The following PRKCH variants were observed in gnomAD, a reference collection of about 807,000 sequenced individuals.
PRKCH encodes protein kinase C eta.
Under a neutral mutation model 82.5 loss-of-function variants are expected in PRKCH, and 28 were observed. That is an observed-to-expected ratio of 0.34 (90% CI 0.25 to 0.47). The LOEUF (loss-of-function observed/expected upper bound fraction) is 0.47, where lower values mean the gene tolerates loss of function less well. Among genes scored for constraint, PRKCH ranks in the 20% least tolerant of loss-of-function variants. The pLI is 1.00. For missense variants in PRKCH, 705 were observed against 881.8 expected (o/e 0.80, Z 2.54); for synonymous variants, 322 against 327.4 (o/e 0.98, Z 0.18).
chr14:61,239,386 C>A (rs931412894), intron 1 of PRKCH, among the ~76,000 whole-genome samples: 5 of 152,148 alleles, frequency 3.3e-5, no homozygotes, highest in Non-Finnish European at 7.3e-5. Context: ...TGCAGGTGGG[C>A]TGAGGCCTAA....
intron 1 of PRKCH, among the ~76,000 whole-genome samples, chr14:61,334,654 CG>C (rs1252101107): frequency 6.6e-6 from 1 of 152,112 alleles, no homozygotes; most frequent in African/African-American, 2.4e-5. Flanking sequence ...TCAGAAAGCT[CG>C]GGGCATTGTC....
At chr14:61,402,834 CTGTCT>C (rs1881715255) in intron 2 of PRKCH, among the ~76,000 whole-genome samples, 1 of 144,214 alleles carries the variant, frequency 6.9e-6, no homozygotes, top group Non-Finnish European at 1.5e-5. Context: ...AAGAATCTAG[CTGTCT>C]TTTTTTTTAA....
intron 1 of PRKCH, among the ~76,000 whole-genome samples, chr14:61,236,514 C>A (rs938791249): frequency 6.6e-6 from 1 of 151,892 alleles, no homozygotes; most frequent in African/African-American, 2.4e-5. Context: ...TCAAGACCAG[C>A]CTGGCCAAGA....
At chr14:61,278,205 G>A (rs776622025) in intron 1 of PRKCH, 4 of 152,036 alleles carry the variant, frequency 2.6e-5, no homozygotes, top group Non-Finnish European at 5.9e-5. Flanking sequence ...GAGGAGGGGT[G>A]GGCTAGTGAG....
At chr14:61,263,607 A>C (rs1208086666) in intron 1 of PRKCH, among the ~76,000 whole-genome samples, 1 of 152,198 alleles carries the variant, frequency 6.6e-6, no homozygotes, top group Non-Finnish European at 1.5e-5. Context: ...ATCTATAGCC[A>C]TATCTCTATC....
In PRKCH at chr14:61,329,234, C is replaced by CTTTTTTTTTTTTT. The variant is rs71117812; in HGVS notation, c.363+6778_363+6790dup. Among the ~76,000 whole-genome samples, 98 of 63,470 alleles carry CTTTTTTTTTTTTT rather than the reference C, an allele frequency of 1.5e-3. 19 individuals are homozygous for CTTTTTTTTTTTTT. Among genetic ancestry groups the CTTTTTTTTTTTTT allele is most frequent in the African/African-American group, 4.9e-3 (72 of 14,776 alleles). The allele number at this position is 63,470 out of a possible 152,430, so 41.6% of individuals were successfully genotyped here. ...ACTGCTCTTAGATAAACTCCTGAGT[C>CTTTTTTTTTTTTT]TTTTTTTTTTTTTTTTTTTTGAGAC... On this transcript the variant is annotated intron_variant, in intron 1 of 13. Coordinates refer to ENST00000332981, the MANE Select transcript of PRKCH (RefSeq NM_006255.5).
At chr14:61,429,918 C>T (rs780212759) in intron 2 of PRKCH, among the ~76,000 whole-genome samples, 128 of 152,294 alleles carry the variant, frequency 8.4e-4, no homozygotes, top group Non-Finnish European at 2.6e-4. Flanking sequence ...CTCTCTACCC[C>T]GCTGTCTTCC....
At chr14:61,494,969 A>G (rs11847960) in intron 10 of PRKCH, among the ~76,000 whole-genome samples, 5,216 of 152,324 alleles carry the variant, frequency 0.034, 278 homozygotes, top group African/African-American at 0.12. Context: ...CCTAGGGCAT[A>G]TGTGACAGGT....
chr14:61,312,225 G>C (rs941219085), intron 1 of PRKCH, among the ~76,000 whole-genome samples: 5 of 152,190 alleles, frequency 3.3e-5, no homozygotes, highest in African/African-American at 1.2e-4. Context: ...CTAAATTTCT[G>C]TGTTCAAAAC....
intron 12 of PRKCH, among the ~76,000 whole-genome samples, chr14:61,541,954 C>T (rs891206152): frequency 1.3e-5 from 2 of 152,208 alleles, no homozygotes; most frequent in Admixed American, 6.5e-5. Context: ...CATTTAGTTT[C>T]TCTGTCCTAT....
chr14:61,193,178 G>T (rs772549205), intron 1 of PRKCH, among the ~76,000 whole-genome samples: 1 of 152,190 alleles, frequency 6.6e-6, no homozygotes, highest in Non-Finnish European at 1.5e-5. Flanking sequence ...CTAAAGGGTG[G>T]CAGGCATTCT....
intron 1 of PRKCH, among the ~76,000 whole-genome samples, chr14:61,386,280 C>T (rs2046586083): frequency 6.6e-6 from 1 of 152,138 alleles, no homozygotes; most frequent in African/African-American, 2.4e-5. Context: ...GAATTTGGAC[C>T]TTATCATGGA....
chr14:61,438,755 G>T (rs958819356), intron 2 of PRKCH, among the ~76,000 whole-genome samples: 2 of 152,188 alleles, frequency 1.3e-5, no homozygotes, highest in African/African-American at 4.8e-5. Flanking sequence ...GGGTTGTTTG[G>T]TGACTCCTAG....
intron 1 of PRKCH, among the ~76,000 whole-genome samples, chr14:61,214,402 A>G (rs140234482): frequency 7.6e-4 from 115 of 152,162 alleles, no homozygotes; most frequent in African/African-American, 2.4e-3. Context: ...GTCATTCTAT[A>G]ATTTGAAGCT....
At chr14:61,439,130 A>G (rs1008301000) in intron 2 of PRKCH, among the ~76,000 whole-genome samples, 2 of 152,188 alleles carry the variant, frequency 1.3e-5, no homozygotes, top group Non-Finnish European at 2.9e-5. Flanking sequence ...ACATGATCTG[A>G]GAGATTTCTC....
At chr14:61,433,491 A>G (rs1883521297) in intron 2 of PRKCH, among the ~76,000 whole-genome samples, 1 of 152,184 alleles carries the variant, frequency 6.6e-6, no homozygotes, top group South Asian at 2.1e-4. Context: ...TTGTGTAAGA[A>G]TCTTTTTTGT....
upstream of PRKCH, among the ~76,000 whole-genome samples, chr14:61,318,128 C>T (rs527381383): frequency 2.0e-5 from 3 of 152,088 alleles, no homozygotes; most frequent in African/African-American, 7.2e-5. Flanking sequence ...GGCTGGAGTG[C>T]AGTAGCATGA....
At chr14:61,383,905 G>A (rs2046548330) in intron 1 of PRKCH, among the ~76,000 whole-genome samples, 1 of 152,178 alleles carries the variant, frequency 6.6e-6, no homozygotes, top group Admixed American at 6.5e-5. Context: ...TAGATTAGTG[G>A]GAAGGCAGCA....
intron 10 of PRKCH, among the ~76,000 whole-genome samples, chr14:61,509,684 A>C (rs1458662106): frequency 6.6e-6 from 1 of 152,144 alleles, no homozygotes; most frequent in African/African-American, 2.4e-5. Context: ...CAGGAGTTCG[A>C]AACCAGCCCT....
Sources: allele counts gnomAD v4.1 joint callset (sites outside exome capture counted in the v4.1 genomes callset), GRCh38; gene constraint gnomAD v4.1.1; transcripts MANE v1.5; gene names NCBI Gene and HGNC (gene_info 2026-07-23, HGNC 2026-07-21).